The following LRFN2 variants were observed in gnomAD, a reference collection of about 807,000 sequenced individuals.
LRFN2 encodes leucine-rich repeat and fibronectin type-III domain-containing protein 2.
Under a neutral mutation model 37.3 loss-of-function variants are expected in LRFN2, and 18 were observed. That is an observed-to-expected ratio of 0.48 (90% CI 0.33 to 0.72). LRFN2 has a LOEUF of 0.72. LRFN2 is among the 30% of genes least tolerant of loss of function. The probability of loss-of-function intolerance (pLI) is 0.02; values close to 1 mark genes in which losing one functional copy is unlikely to be tolerated. For missense variants in LRFN2, 1,006 were observed against 1,060.7 expected, an observed-to-expected ratio of 0.95 and a Z score of 0.72; for synonymous variants, 556 against 466.6, an observed-to-expected ratio of 1.19 and a Z score of -2.47.
intron 1 of LRFN2, among the ~76,000 whole-genome samples, chr6:40,561,824 G>A (rs1263876691): frequency 1.3e-5 from 2 of 152,076 alleles, no homozygotes; most frequent in Non-Finnish European, 2.9e-5. Flanking sequence ...GGAGAGGCGG[G>A]TAGAATACAG....
At chr6:40,512,276 T>C (rs1312554938) in intron 1 of LRFN2, among the ~76,000 whole-genome samples, 1 of 152,196 alleles carries the variant, frequency 6.6e-6, no homozygotes, top group Non-Finnish European at 1.5e-5. Context: ...ACCCTCCCAT[T>C]GCCCCCGCTT....
intron 1 of LRFN2, among the ~76,000 whole-genome samples, chr6:40,570,340 T>C (rs541141443): frequency 6.6e-6 from 1 of 152,318 alleles, no homozygotes; most frequent in South Asian, 2.1e-4. Context: ...GCTTTACATA[T>C]ATTAACTCAT....
At chr6:40,450,339 C>A (rs1284749190) in intron 1 of LRFN2, among the ~76,000 whole-genome samples, 2 of 152,220 alleles carry the variant, frequency 1.3e-5, no homozygotes, top group African/African-American at 4.8e-5. Context: ...CAGCTCCTGG[C>A]CCATCAGAGT....
chr6:40,508,913 AT>A (rs1381484790), intron 1 of LRFN2, among the ~76,000 whole-genome samples: 2 of 152,174 alleles, frequency 1.3e-5, no homozygotes, highest in Admixed American at 6.5e-5. Flanking sequence ...TCATTCTCAC[AT>A]CCATGCAATG....
intron 2 of LRFN2, among the ~76,000 whole-genome samples, chr6:40,401,560 T>C (rs976375592): frequency 6.6e-6 from 1 of 152,156 alleles, no homozygotes; most frequent in African/African-American, 2.4e-5. Flanking sequence ...CTTTACATTA[T>C]GGCAATTATT....
At chr6:40,510,841 A>G (rs1333256640) in intron 1 of LRFN2, among the ~76,000 whole-genome samples, 2 of 152,190 alleles carry the variant, frequency 1.3e-5, no homozygotes, top group Non-Finnish European at 2.9e-5. Flanking sequence ...CTCGGCTTAT[A>G]GAAGCATTGG....
intron 1 of LRFN2, among the ~76,000 whole-genome samples, chr6:40,461,366 C>A (rs1764344045): frequency 6.6e-6 from 1 of 152,034 alleles, no homozygotes; most frequent in Non-Finnish European, 1.5e-5. Context: ...CATGATCACA[C>A]CATTGCACTC....
At chr6:40,414,120 A>G (rs1366125177) in intron 2 of LRFN2, among the ~76,000 whole-genome samples, 1 of 152,212 alleles carries the variant, frequency 6.6e-6, no homozygotes, top group African/African-American at 2.4e-5. Flanking sequence ...TGGCCCTGCC[A>G]GCTCCTAGCT....
At chr6:40,556,739 ACACACACACACACG>A (rs1441483499) in intron 1 of LRFN2, among the ~76,000 whole-genome samples, 25 of 147,920 alleles carry the variant, frequency 1.7e-4, no homozygotes, top group East Asian at 9.9e-4. Context: ...ACACACACAC[ACACACACACACACG>A]CACACACTCC....
chr6:40,545,508 C>T (rs551621261), intron 1 of LRFN2, among the ~76,000 whole-genome samples: 12 of 152,316 alleles, frequency 7.9e-5, no homozygotes, highest in Middle Eastern at 3.4e-3. Flanking sequence ...ACTGGGCCAA[C>T]CCCTGGAGCA....
intron 1 of LRFN2, among the ~76,000 whole-genome samples, chr6:40,561,078 G>A (rs1286128370): frequency 6.6e-6 from 1 of 152,200 alleles, no homozygotes; most frequent in Non-Finnish European, 1.5e-5. Flanking sequence ...GTTCAGAAGA[G>A]AGGTACCTTC....
chr6:40,410,832 T>G (rs1762950904), intron 2 of LRFN2, among the ~76,000 whole-genome samples: 2 of 152,312 alleles, frequency 1.3e-5, no homozygotes, highest in South Asian at 4.1e-4. Context: ...GATTTGTTCA[T>G]TAGCCAGGAG....
In LRFN2 at chr6:40,504,602, T is replaced by C. The variant is rs184939563; in HGVS notation, c.-18-71471A>G. Among the ~76,000 whole-genome samples the C allele has an allele frequency of 4.6e-5, 7 of 152,238 alleles. No individual in the cohort carries two copies. In the East Asian group the frequency reaches 1.2e-3, roughly 25 times the overall value. ...CTCCCCAAGAAATCCACTTGAGCCA[T>C]GGACAGTGAAGGTCAGAAGGAAACA... On this transcript the variant is annotated intron_variant, in intron 1 of 2. Coordinates refer to ENST00000338305, the MANE Select transcript of LRFN2 (RefSeq NM_020737.3).
At position 40,443,290 on chromosome 6, in the gene LRFN2, C is replaced by T. The variant is rs555928034; in HGVS notation, c.-18-10159G>A. 3.0e-4 allele frequency among the ~76,000 whole-genome samples: 45 copies of T among 152,266 alleles called. 1 individual carries two copies. The highest frequency in any genetic ancestry group is 8.9e-4 in the African/African-American group (37 of 41,558). ...GACTACCTTTACTGTTTTTGAGCCC[C>T]CACAGATTATTTCAGTAAACATAAT... On this transcript the variant is annotated intron_variant, in intron 1 of 2. Coordinates refer to ENST00000338305, the MANE Select transcript of LRFN2 (RefSeq NM_020737.3).
At chr6:40,408,971 C>T (rs1232130145) in intron 2 of LRFN2, among the ~76,000 whole-genome samples, 3 of 152,226 alleles carry the variant, frequency 2.0e-5, no homozygotes, top group Non-Finnish European at 4.4e-5. Context: ...TTTCTGTATC[C>T]TCACATGGCA....
chr6:40,501,989 A>G (rs907630136), intron 1 of LRFN2, among the ~76,000 whole-genome samples: 1 of 152,192 alleles, frequency 6.6e-6, no homozygotes, highest in African/African-American at 2.4e-5. Flanking sequence ...AGCCCAGTGG[A>G]GACCCAGAGA....
chr6:40,586,702 C>T (rs957554853), intron 1 of LRFN2, among the ~76,000 whole-genome samples: 2 of 152,288 alleles, frequency 1.3e-5, no homozygotes, highest in African/African-American at 4.8e-5. Flanking sequence ...TCCCCGCTCC[C>T]CGCCAGAGTT....
intron 1 of LRFN2, among the ~76,000 whole-genome samples, chr6:40,533,440 A>T (rs1220996610): frequency 7.9e-5 from 12 of 151,978 alleles, no homozygotes; most frequent in Admixed American, 7.9e-4. Context: ...AAAGAGAGAG[A>T]GGGAAAGACA....
chr6:40,452,048 C>A (rs1764123031), intron 1 of LRFN2, among the ~76,000 whole-genome samples: 1 of 152,080 alleles, frequency 6.6e-6, no homozygotes, highest in South Asian at 2.1e-4. Context: ...TAGATATCAC[C>A]ATTATCTTCC....
Sources: allele counts gnomAD v4.1 joint callset (sites outside exome capture counted in the v4.1 genomes callset), GRCh38; gene constraint gnomAD v4.1.1; transcripts MANE v1.5; gene names NCBI Gene and HGNC (gene_info 2026-07-23, HGNC 2026-07-21).